WASF1: variants seen among roughly 807,000 people sequenced by gnomAD.
WASF1 encodes actin-binding protein WASF1.
WASF1 carries 7 observed loss-of-function variants against 50.5 expected under a neutral mutation model. The observed-to-expected ratio is 0.14, with a 90% confidence interval of 0.08 to 0.26. The LOEUF is 0.26. Ranked by LOEUF, WASF1 falls within the 10% of genes least tolerant of loss-of-function variation. The probability of loss-of-function intolerance (pLI) is 1.00; values close to 1 mark genes in which losing one functional copy is unlikely to be tolerated. For missense variants in WASF1, 470 were observed against 694.7 expected (o/e 0.68, Z 3.64); for synonymous variants, 205 against 244.0 (o/e 0.84, Z 1.49).
At chr6:110,173,887 G>A (rs1220455594) in intron 2 of WASF1, among the ~76,000 whole-genome samples, 8 of 152,166 alleles carry the variant, frequency 5.3e-5, no homozygotes, top group Admixed American at 2.6e-4. Flanking sequence ...GTAAAAAAGT[G>A]TCTAAAACCA....
chr6:110,126,838 C>T (rs2114515367), intron 4 of WASF1, among the ~76,000 whole-genome samples: 1 of 152,310 alleles, frequency 6.6e-6, no homozygotes, highest in East Asian at 1.9e-4. Flanking sequence ...TTGCCTGTCT[C>T]CTTCTCCCTA....
intron 3 of WASF1, among the ~76,000 whole-genome samples, chr6:110,152,004 C>T (rs549846722): frequency 6.6e-6 from 1 of 152,222 alleles, no homozygotes; most frequent in South Asian, 2.1e-4. Flanking sequence ...CAGCATGTGG[C>T]AGGCAGAATT....
intron 3 of WASF1, among the ~76,000 whole-genome samples, chr6:110,144,176 C>T (rs1033869538): frequency 6.6e-6 from 1 of 152,190 alleles, no homozygotes; most frequent in African/African-American, 2.4e-5. Flanking sequence ...GAGATGGTAT[C>T]TCACTGTGGT....
At position 110,116,223 on chromosome 6, in the gene WASF1, G is replaced by A. The variant is rs994872591; in HGVS notation, c.134-2763C>T. On this transcript the variant is annotated intron_variant, in intron 4 of 10. Coordinates refer to ENST00000392589, the MANE Select transcript of WASF1 (RefSeq NM_003931.3). The stretch of plus-strand genomic sequence containing the variant: ...CACAGAGGGCAAGCTGAAGCAGGGC[G>A]AGGCATTGCCTCACCCAGGAAGTAC... Among the ~76,000 whole-genome samples the A allele has an allele frequency of 6.6e-5, 10 of 152,224 alleles. No individual in the cohort carries two copies. The South Asian group carries it at 8.3e-4, about 13-fold the overall frequency.
chr6:110,177,103 T>A lies in WASF1; in HGVS notation c.-127+1495A>T, dbSNP rs962209435. 12 of 152,150 alleles carry A rather than the reference T, an allele frequency of 7.9e-5. No homozygotes were observed. In the East Asian group the frequency reaches 2.3e-3, roughly 29 times the overall value. 9.4% of individuals were successfully genotyped at this position (152,150 alleles called of 1,614,324 possible). ...AATATTAAAACTGTCTCTGAATATA[T>A]GAATATTTACAAACATGAGTAATAA... On this transcript the variant is annotated intron_variant, in intron 2 of 10. Coordinates refer to ENST00000392589, the MANE Select transcript of WASF1 (RefSeq NM_003931.3).
chr6:110,118,210 A>G (rs1181486290), intron 4 of WASF1, among the ~76,000 whole-genome samples: 1 of 152,050 alleles, frequency 6.6e-6, no homozygotes, highest in African/African-American at 2.4e-5. Context: ...TAAAAGACAC[A>G]GACTGGCAAA....
At chr6:110,110,479 C>T (rs1262389250) in intron 5 of WASF1, among the ~76,000 whole-genome samples, 1 of 152,154 alleles carries the variant, frequency 6.6e-6, no homozygotes, top group Non-Finnish European at 1.5e-5. Context: ...TTAATCTCGC[C>T]AAACTTCCTT....
intron 6 of WASF1, among the ~76,000 whole-genome samples, chr6:110,107,585 C>A (rs1225129298): frequency 6.6e-6 from 1 of 152,134 alleles, no homozygotes; most frequent in Non-Finnish European, 1.5e-5. Flanking sequence ...TCTGCCAATA[C>A]TATGATTTAT....
At chr6:110,165,609 T>G (rs1236282821) in intron 2 of WASF1, among the ~76,000 whole-genome samples, 2 of 151,792 alleles carry the variant, frequency 1.3e-5, no homozygotes, top group Admixed American at 6.6e-5. Flanking sequence ...TTTATAAACA[T>G]GATCATTTAA....
At chr6:110,108,410 C>G in intron 6 of WASF1, 118 bp downstream of exon 6, 1 of 1,013,326 alleles carries the variant, frequency 9.9e-7, no homozygotes. Context: ...AGGTGGTGGA[C>G]AGAGAGGGCT....
chr6:110,102,210 A>G lies in WASF1; in HGVS notation c.900T>C (p.Ala300=), dbSNP rs1191854525. ...GAGGGCGATTTTCTATCAAACCTGT[A>G]GCAGAACTGAAATGACAAAGAGATT... ...AKPIPTCISS[A]TGLIENRPQS... is the part of the protein sequence containing the mutation. Residue 300 remains alanine, a synonymous_variant, in exon 10 of 11, where the codon GCT becomes GCC. Coordinates refer to ENST00000392589, the MANE Select transcript of WASF1 (RefSeq NM_003931.3). 1 of 1,407,062 alleles carries G rather than the reference A, an allele frequency of 7.1e-7. No homozygotes were observed. The highest frequency in any genetic ancestry group is 9.3e-7 in the Non-Finnish European group (1 of 1,076,740). 87.2% of individuals were successfully genotyped at this position (1,407,062 alleles called of 1,614,324 possible).
chr6:110,112,055 C>T (rs1773581181), intron 5 of WASF1, among the ~76,000 whole-genome samples: 1 of 147,444 alleles, frequency 6.8e-6, no homozygotes, highest in African/African-American at 2.5e-5. Context: ...CAAGTATTTG[C>T]CTCTCCTTAT....
At chr6:110,141,176 A>T (rs1008795059) in intron 3 of WASF1, among the ~76,000 whole-genome samples, 2 of 152,228 alleles carry the variant, frequency 1.3e-5, no homozygotes, top group Non-Finnish European at 2.9e-5. Flanking sequence ...TCCTTCTGCA[A>T]AATCAAACCC....
At position 110,154,337 on chromosome 6, in the gene WASF1, A is replaced by G. The variant is rs370979836; in HGVS notation, c.-29+6298T>C. Among the ~76,000 whole-genome samples the G allele has an allele frequency of 3.9e-5, 6 of 152,160 alleles. No homozygotes were observed. The South Asian group carries it at 1.2e-3, about 31-fold the overall frequency. Reference sequence around the variant, plus strand: ...TCATATGGAAACACAGGACTTAAAAACAGCTTTTAATATCAAAATGGAAGA... The same window carrying G: ...TCATATGGAAACACAGGACTTAAAAGCAGCTTTTAATATCAAAATGGAAGA... On this transcript the variant is annotated intron_variant, in intron 3 of 10. Transcript: ENST00000392589.
In WASF1 at chr6:110,102,231, A is replaced by G; in HGVS notation, c.894-15T>C. 1.5e-6 allele frequency: 2 copies of G among 1,375,450 alleles called. No individual in the cohort carries two copies. The highest frequency in any genetic ancestry group is 1.9e-6 in the Non-Finnish European group (2 of 1,058,854). 85.2% of individuals were successfully genotyped at this position (1,375,450 alleles called of 1,614,324 possible). A position where few individuals can be genotyped will look rare whatever the true frequency, so the allele number is the denominator to read the frequency against. On this transcript the variant is annotated splice_polypyrimidine_tract_variant and intron_variant, in intron 9 of 10. Coordinates refer to ENST00000392589, the MANE Select transcript of WASF1 (RefSeq NM_003931.3). ...CTGTAGCAGAACTGAAATGACAAAG[A>G]GATTCTAGCAAGTTATTAAAAGAGA...
rs560571192 is a variant in WASF1 at position 110,179,024 on chromosome 6, G to C, written c.-271-282C>G. ...CAAACGCACGAGCTCGCTTTACCGA[G>C]CCTCGCGCACGTAGGGCGAGCAGGG... On this transcript the variant is annotated intron_variant, in intron 1 of 10. Coordinates refer to ENST00000392589, the MANE Select transcript of WASF1 (RefSeq NM_003931.3). Among the ~76,000 whole-genome samples the C allele has an allele frequency of 3.9e-3, 590 of 152,366 alleles. 2 individuals carry two copies. The highest frequency in any genetic ancestry group is 6.6e-3 in the Non-Finnish European group (451 of 68,030).
At chr6:110,139,827 T>G (rs1399412648) in intron 3 of WASF1, among the ~76,000 whole-genome samples, 2 of 152,116 alleles carry the variant, frequency 1.3e-5, no homozygotes, top group African/African-American at 4.8e-5. Context: ...AACATTTAAC[T>G]TATAAATTAG....
At chr6:110,130,465 T>C (rs1774613287) in intron 3 of WASF1, among the ~76,000 whole-genome samples, 1 of 152,200 alleles carries the variant, frequency 6.6e-6, no homozygotes, top group Non-Finnish European at 1.5e-5. Flanking sequence ...TTTTTGAAGT[T>C]TATATAGACT....
At chr6:110,122,041 G>A (rs993591944) in intron 4 of WASF1, among the ~76,000 whole-genome samples, 1 of 151,952 alleles carries the variant, frequency 6.6e-6, no homozygotes, top group East Asian at 1.9e-4. Context: ...TCGGAGGGTC[G>A]GGGGCTGGGG....
Sources: gnomAD v4.1 joint callset for allele counts (sites outside exome capture counted in the v4.1 genomes callset) on GRCh38, gnomAD v4.1.1 for gene constraint, MANE v1.5 for transcripts, NCBI Gene and HGNC (gene_info 2026-07-23, HGNC 2026-07-21) for gene names.